PTBP1: variants seen among roughly 807,000 people sequenced by gnomAD.
PTBP1 encodes the protein polypyrimidine tract-binding protein 1.
Under a neutral mutation model 59.8 loss-of-function variants are expected in PTBP1, and 8 were observed. That is an observed-to-expected ratio of 0.13 (90% CI 0.08 to 0.24). PTBP1 has a LOEUF of 0.24. Among genes scored for constraint, PTBP1 ranks in the 10% least tolerant of loss-of-function variants. PTBP1 has a pLI of 1.00. For missense variants in PTBP1, 686 were observed against 767.0 expected (o/e 0.89, Z 1.25); for synonymous variants, 490 against 320.7 (o/e 1.53, Z -5.64).
At chr19:797,858 C>G (rs1306631971) in intron 1 of PTBP1, among the ~76,000 whole-genome samples, 10 of 148,854 alleles carry the variant, frequency 6.7e-5, no homozygotes, top group Non-Finnish European at 4.5e-5. Context: ...CCTCGCGCGC[C>G]CGGATGGCCC....
At chr19:806,303 C>A (rs529294971) in intron 9 of PTBP1, 105 bp from the exon 10 acceptor site, 44 of 1,306,616 alleles carry the variant, frequency 3.4e-5, no homozygotes, top group Non-Finnish European at 3.9e-5. Flanking sequence ...GGCCGCCTCC[C>A]GCGCGGCTCG....
At chr19:800,431 T>G (rs1290424246) in intron 2 of PTBP1, among the ~76,000 whole-genome samples, 1 of 152,140 alleles carries the variant, frequency 6.6e-6, no homozygotes, top group East Asian at 1.9e-4. Context: ...GGGGAGGCGA[T>G]TCTCGAGGGA....
At chr19:799,532 A>G (rs2034238845) in intron 2 of PTBP1, 89 bp downstream of exon 2, 6 of 1,354,802 alleles carry the variant, frequency 4.4e-6, no homozygotes, top group Admixed American at 1.7e-5. Flanking sequence ...TGCGTTGGCT[A>G]GAGGGCGCTT....
chr19:806,289 C>G, intron 9 of PTBP1, 119 bp from the exon 10 acceptor site: 1 of 1,209,926 alleles, frequency 8.3e-7, no homozygotes, highest in Non-Finnish European at 1.1e-6. Context: ...AGGGCCAGAG[C>G]CAGGGCCGCC....
intron 3 of PTBP1, 143 bp from the exon 4 acceptor site, chr19:803,893 C>T: frequency 1.0e-6 from 1 of 997,508 alleles, no homozygotes. Flanking sequence ...AGGTCTTGGC[C>T]TCTCGCGCTG....
intron 13 of PTBP1, among the ~76,000 whole-genome samples, chr19:809,510 CGGG>C (rs1162970048): frequency 6.6e-6 from 1 of 151,860 alleles, no homozygotes; most frequent in African/African-American, 2.4e-5. Flanking sequence ...TTAGTGGAAA[CGGG>C]GTTTCACTGT....
chr19:802,795 C>T (rs568118393), intron 2 of PTBP1, among the ~76,000 whole-genome samples: 32 of 152,334 alleles, frequency 2.1e-4, no homozygotes, highest in African/African-American at 6.3e-4. Context: ...CCGTCCTGAG[C>T]CTAGGATCAG....
chr19:806,741 G>A, intron 10 of PTBP1, 185 bp downstream of exon 10: 1 of 522,472 alleles, frequency 1.9e-6, no homozygotes, highest in East Asian at 3.5e-5. Flanking sequence ...CTCTTTTCCT[G>A]AATTCACATC....
intron 9 of PTBP1, 159 bp from the exon 10 acceptor site, chr19:806,249 G>T: frequency 2.7e-6 from 2 of 737,392 alleles, no homozygotes. Context: ...GGCTGTGCGG[G>T]GGTCGGACGA....
Position 811,445 on chromosome 19 carries a change from T to A in PTBP1, c.*619T>A, listed in dbSNP as rs555374450. ...GACATAATCTCTGTATTATATACTT[T>A]GCAGTTGCAGACGTCTGTGCCTAGC... On this transcript the variant is annotated 3_prime_UTR_variant, in exon 15 of 15. Coordinates refer to ENST00000356948, the MANE Select transcript of PTBP1 (RefSeq NM_002819.5). 6.6e-6 allele frequency: 1 copy of A among 152,510 alleles called. No homozygotes were observed. Among genetic ancestry groups the A allele is most frequent in the African/African-American group, 2.4e-5 (1 of 41,478 alleles). The allele number at this position is 152,510 out of a possible 1,614,324, so 9.4% of individuals were successfully genotyped here.
rs778722235 is a variant in PTBP1 at position 806,404 on chromosome 19, C to T, written c.971-4C>T. On this transcript the variant is annotated splice_polypyrimidine_tract_variant and splice_region_variant and intron_variant, in intron 9 of 14. Coordinates refer to ENST00000356948, the MANE Select transcript of PTBP1 (RefSeq NM_002819.5). ...GCCGCTCATCTCACCTCCTGCTTTT[C>T]CAGGCCTTTCCGTTCCGAACGTCCA... The T allele has an allele frequency of 4.4e-6, 7 of 1,599,816 alleles. No homozygotes were observed. Among genetic ancestry groups the T allele is most frequent in the Non-Finnish European group, 6.0e-6 (7 of 1,173,926 alleles).
Position 808,002 on chromosome 19 carries a change from C to A in PTBP1, c.1153+100C>A. 9.2e-7 allele frequency: 1 copy of A among 1,091,708 alleles called. No individual in the cohort carries two copies. Among genetic ancestry groups the A allele is most frequent in the South Asian group, 1.3e-5 (1 of 79,042 alleles). The allele number at this position is 1,091,708 out of a possible 1,614,324, so 67.6% of individuals were successfully genotyped here. ...GAGTTTGCGGTTTGGCACTCTGATGCTCCGTGGCATCCGCCTCGTTTTATG... is the reference window on the plus strand; with the variant it reads ...GAGTTTGCGGTTTGGCACTCTGATGATCCGTGGCATCCGCCTCGTTTTATG... On this transcript the variant is annotated intron_variant, in intron 11 of 14. Coordinates refer to ENST00000356948, the MANE Select transcript of PTBP1 (RefSeq NM_002819.5). This position sits in a 1 kb window ranked among gnomAD's most constrained non-coding sequence, Gnocchi z 4.7.
At chr19:806,212 C>CGGGCGCTG in intron 9 of PTBP1, 196 bp from the exon 10 acceptor site, 3 of 528,552 alleles carry the variant, frequency 5.7e-6, no homozygotes, top group Admixed American at 4.2e-5. Flanking sequence ...TGAGGAGAGG[C>CGGGCGCTG]GGGCGCTGGT....
intron 8 of PTBP1, 38 bp downstream of exon 8, chr19:805,225 G>A (rs2034506887): frequency 6.2e-7 from 1 of 1,606,656 alleles, no homozygotes; most frequent in South Asian, 1.1e-5. Context: ...TGTGCAGAGT[G>A]GTCTATTAGG....
chr19:805,355 C>T, intron 8 of PTBP1, 137 bp from the exon 9 acceptor site: 1 of 1,189,574 alleles, frequency 8.4e-7, no homozygotes, highest in Non-Finnish European at 1.2e-6. Context: ...GACCACGGCC[C>T]CCCCTGGAGC....
Position 805,008 on chromosome 19 carries a change from C to T in PTBP1, c.718-5C>T, listed in dbSNP as rs767163013. 13 of 1,613,348 alleles carry T rather than the reference C, an allele frequency of 8.1e-6. No individual in the cohort carries two copies. The Admixed American group carries it at 8.3e-5, about 10-fold the overall frequency. ...GGCGACGTCTCACGGTCCCTCTCCC[C>T]TCAGTCGCTGGACGGGCAGAACATC... is the stretch of plus-strand genomic sequence containing the variant. On this transcript the variant is annotated splice_polypyrimidine_tract_variant and splice_region_variant and intron_variant, in intron 7 of 14. Transcript: ENST00000356948.
At position 811,791 on chromosome 19, in the gene PTBP1, C is replaced by G. The variant is rs187053484; in HGVS notation, c.*965C>G. On this transcript the variant is annotated 3_prime_UTR_variant, in exon 15 of 15. Transcript: ENST00000356948. ...TCGCCTCCGGTTGCCTTACACCACG[C>G]CTTCACCTGCAGTCGCCTAGAAAAC... The G allele has an allele frequency of 6.6e-6, 1 of 152,598 alleles. No individual in the cohort carries two copies. The highest frequency in any genetic ancestry group is 6.5e-5 in the Admixed American group (1 of 15,308). 9.5% of individuals were successfully genotyped at this position (152,598 alleles called of 1,614,324 possible).
At chr19:803,022 G>A (rs747955488) in intron 2 of PTBP1, among the ~76,000 whole-genome samples, 13 of 152,210 alleles carry the variant, frequency 8.5e-5, no homozygotes, top group Admixed American at 2.0e-4. Context: ...TTTCTTTTCC[G>A]GGCTGGAAAA....
rs530510722 is a variant in PTBP1 at position 804,507 on chromosome 19, G to C, written c.436-25G>C. On this transcript the variant is annotated intron_variant, in intron 5 of 14. Coordinates refer to ENST00000356948, the MANE Select transcript of PTBP1 (RefSeq NM_002819.5). ...GGGTGGGCCCAGCCGCAGGGGCCGG[G>C]GACTCACGGCTGTGCCTCCCACAGC... 8.1e-6 allele frequency: 13 copies of C among 1,595,974 alleles called. No homozygotes were observed. The South Asian group carries it at 1.4e-4, about 18-fold the overall frequency.
Sources: allele counts gnomAD v4.1 joint callset (sites outside exome capture counted in the v4.1 genomes callset), GRCh38; gene constraint gnomAD v4.1.1; non-coding constraint Gnocchi (gnomAD v3.1); transcripts MANE v1.5; gene names NCBI Gene and HGNC (gene_info 2026-07-23, HGNC 2026-07-21).